Variants in LRFN5 observed in about 807,000 individuals in gnomAD.
LRFN5 encodes the protein leucine rich repeat and fibronectin type III domain containing 5, also known as leucine-rich repeat and fibronectin type-III domain-containing protein 5.
LRFN5 carries 24 observed loss-of-function variants against 45.6 expected under a neutral mutation model. The observed-to-expected ratio is 0.53, with a 90% CI of 0.38 to 0.74. The LOEUF (loss-of-function observed/expected upper bound fraction) is 0.74, where lower values mean the gene tolerates loss of function less well. Among genes scored for constraint, LRFN5 ranks in the 30% least tolerant of loss-of-function variants. LRFN5 has a pLI of 0.00. For missense variants in LRFN5, 776 were observed against 861.5 expected, an observed-to-expected ratio of 0.90 and a Z score of 1.24; for synonymous variants, 340 against 313.8, an observed-to-expected ratio of 1.08 and a Z score of -0.88.
intron 1 of LRFN5, among the ~76,000 whole-genome samples, chr14:41,617,861 T>C (rs1887977522): frequency 6.6e-6 from 1 of 152,142 alleles, no homozygotes; most frequent in South Asian, 2.1e-4. Context: ...AATCAGAACA[T>C]ACTGCAATAT....
At chr14:41,711,486 G>A (rs989531246) in intron 1 of LRFN5, among the ~76,000 whole-genome samples, 2 of 152,096 alleles carry the variant, frequency 1.3e-5, no homozygotes, top group Non-Finnish European at 2.9e-5. Context: ...TAGAAGGGGA[G>A]AAAAACACAG....
chr14:41,664,252 C>G (rs1880792239), intron 1 of LRFN5, among the ~76,000 whole-genome samples: 1 of 151,990 alleles, frequency 6.6e-6, no homozygotes, highest in African/African-American at 2.4e-5. Context: ...TCAAGAATAG[C>G]TAATAAAATC....
intron 1 of LRFN5, among the ~76,000 whole-genome samples, chr14:41,688,290 G>A (rs1424887275): frequency 3.9e-5 from 6 of 151,978 alleles, no homozygotes; most frequent in Admixed American, 3.3e-4. Flanking sequence ...TTTATTGTAC[G>A]TTTAAAAACA....
At chr14:41,654,421 A>G (rs1158899646) in intron 1 of LRFN5, among the ~76,000 whole-genome samples, 1 of 152,036 alleles carries the variant, frequency 6.6e-6, no homozygotes, top group Non-Finnish European at 1.5e-5. Flanking sequence ...GCATATTTGT[A>G]TGTACATAGT....
chr14:41,664,882 A>G (rs1417484256), intron 1 of LRFN5, among the ~76,000 whole-genome samples: 2 of 152,006 alleles, frequency 1.3e-5, no homozygotes, highest in African/African-American at 4.8e-5. Flanking sequence ...ACACAAGAAG[A>G]CAAGTTGTAT....
In LRFN5 at chr14:41,815,542, G is replaced by A. The variant is rs564273405; in HGVS notation, c.-21+48513G>A. Among the ~76,000 whole-genome samples, 116 of 152,020 alleles carry A rather than the reference G, an allele frequency of 7.6e-4. 1 individual carries two copies. Among genetic ancestry groups the A allele is most frequent in the African/African-American group, 2.7e-3 (114 of 41,484 alleles). On this transcript the variant is annotated intron_variant, in intron 2 of 5. Coordinates refer to ENST00000298119, the MANE Select transcript of LRFN5 (RefSeq NM_152447.5). ...CACTTGAAATAAGGAGTTTGAGAGC[G>A]GTTGGGCAACATAGGGAGACCTCAT...
intron 3 of LRFN5, among the ~76,000 whole-genome samples, chr14:41,889,258 G>T (rs966624660): frequency 9.2e-5 from 14 of 151,358 alleles, no homozygotes; most frequent in Admixed American, 8.6e-4. Flanking sequence ...TGGACTAATA[G>T]GCAAAATTAA....
intron 1 of LRFN5, among the ~76,000 whole-genome samples, chr14:41,671,153 CTACTT>C (rs1291906765): frequency 1.9e-4 from 29 of 151,782 alleles, no homozygotes; most frequent in Non-Finnish European, 7.4e-5. Flanking sequence ...GTCTATTTGT[CTACTT>C]TACAAAGTCA....
intron 1 of LRFN5, among the ~76,000 whole-genome samples, chr14:41,619,043 C>T (rs1888022107): frequency 1.4e-3 from 1 of 706 alleles, no homozygotes; most frequent in African/African-American, 6.3e-3. Flanking sequence ...TCCTCTTGTG[C>T]TAGGAGTAAT....
chr14:41,705,322 G>A (rs1883019144), intron 1 of LRFN5, among the ~76,000 whole-genome samples: 1 of 152,152 alleles, frequency 6.6e-6, no homozygotes, highest in Non-Finnish European at 1.5e-5. Context: ...AGTTCTCCAA[G>A]TACCTTGTTC....
chr14:41,817,738 T>C (rs768913265), intron 2 of LRFN5, among the ~76,000 whole-genome samples: 2 of 152,172 alleles, frequency 1.3e-5, no homozygotes, highest in Admixed American at 1.3e-4. Context: ...CTCTAGTGTT[T>C]ACTATGAGAA....
chr14:41,655,424 A>T (rs1421263442), intron 1 of LRFN5, among the ~76,000 whole-genome samples: 2 of 152,042 alleles, frequency 1.3e-5, no homozygotes, highest in Admixed American at 1.3e-4. Context: ...AAGCATGTCT[A>T]GAATGATTTA....
chr14:41,880,809 T>G (rs781485497), intron 2 of LRFN5, among the ~76,000 whole-genome samples: 1 of 152,212 alleles, frequency 6.6e-6, no homozygotes, highest in Non-Finnish European at 1.5e-5. Context: ...GAAGATCTTC[T>G]GCTGAGTCCA....
intron 1 of LRFN5, among the ~76,000 whole-genome samples, chr14:41,722,653 T>G (rs959097326): frequency 6.6e-6 from 1 of 152,158 alleles, no homozygotes; most frequent in Non-Finnish European, 1.5e-5. Context: ...TCTTTTTGCT[T>G]TGCCTCTATA....
intron 2 of LRFN5, among the ~76,000 whole-genome samples, chr14:41,866,496 G>T (rs76177440): frequency 0.012 from 1,849 of 152,222 alleles, 15 homozygotes; most frequent in Non-Finnish European, 0.017. Context: ...TTCACCCCGA[G>T]TTATGGTATA....
chr14:41,802,581 G>C (rs1413162784), intron 2 of LRFN5, among the ~76,000 whole-genome samples: 1 of 152,160 alleles, frequency 6.6e-6, no homozygotes, highest in African/African-American at 2.4e-5. Context: ...GTCAAGGAAA[G>C]TCTGTCACCA....
chr14:41,722,567 T>G (rs1883767625), intron 1 of LRFN5, among the ~76,000 whole-genome samples: 1 of 137,700 alleles, frequency 7.3e-6, no homozygotes, highest in African/African-American at 3.2e-5. Context: ...AATACGGTGT[T>G]TTTTTTTTTT....
At chr14:41,730,848 T>C (rs915346419) in intron 1 of LRFN5, among the ~76,000 whole-genome samples, 4 of 151,926 alleles carry the variant, frequency 2.6e-5, no homozygotes, top group African/African-American at 7.2e-5. Flanking sequence ...AATAGAGAAT[T>C]TGAAGTTGCC....
intron 1 of LRFN5, among the ~76,000 whole-genome samples, chr14:41,760,823 G>A (rs1473892626): frequency 6.6e-6 from 1 of 151,944 alleles, no homozygotes; most frequent in Non-Finnish European, 1.5e-5. Flanking sequence ...TACATAAGGG[G>A]ATTATATTAT....
Sources: allele counts gnomAD v4.1 joint callset (sites outside exome capture counted in the v4.1 genomes callset), GRCh38; gene constraint gnomAD v4.1.1; transcripts MANE v1.5; gene names NCBI Gene and HGNC (gene_info 2026-07-23, HGNC 2026-07-21).